Variants in LAMA5 observed in about 807,000 individuals in gnomAD.
The protein encoded by LAMA5 is laminin subunit alpha-5.
Under a neutral mutation model 433.4 loss-of-function variants are expected in LAMA5, and 260 were observed. That is an observed-to-expected ratio of 0.60 (90% CI 0.54 to 0.66). The LOEUF is 0.66. Ranked by LOEUF, LAMA5 falls within the 30% of genes least tolerant of loss-of-function variation. LAMA5 has a pLI of 0.00. For missense variants in LAMA5, 5,378 were observed against 5,258.5 expected, an observed-to-expected ratio of 1.02 and a Z score of -0.70; for synonymous variants, 2,620 against 2,226.6, an observed-to-expected ratio of 1.18 and a Z score of -4.97.
Position 62,324,639 on chromosome 20 carries a change from G to A in LAMA5, c.5530-85C>T. The A allele has an allele frequency of 1.2e-6, 1 of 840,796 alleles. No homozygotes were observed. The highest frequency in any genetic ancestry group is 2.0e-5 in the Admixed American group (1 of 49,302). The allele number at this position is 840,796 out of a possible 1,614,324, so 52.1% of individuals were successfully genotyped here. On this transcript the variant is annotated intron_variant, in intron 41 of 79. Transcript: ENST00000252999. The surrounding 1 kb of genome is among the most constrained non-coding windows in gnomAD (Gnocchi z 4.4). ...CAAGCTCACAAGTCAGACCCTCAGG[G>A]ATCCTGCAGGCACGAGGCACTGGGA...
chr20:62,309,568 G>GT, intron 79 of LAMA5, 93 bp from the exon 80 acceptor site: 2 of 879,812 alleles, frequency 2.3e-6, no homozygotes, highest in Non-Finnish European at 1.6e-6. Flanking sequence ...CCCAGCCCCT[G>GT]TCTCATTCCA....
rs150827046 is a variant in LAMA5, at chr20:62,312,989, C to T, written c.8977G>A (p.Val2993Met). ...AACAGCACGAGGCTGCCTTCTTGCA[C>T]GGCCAAGCACAGGAACTGGCTCTGC... Reference protein sequence around the residue: ...KQQSQFLCLAVQEGSLVLLYD... With the variant: ...KQQSQFLCLAMQEGSLVLLYD... Residue 2993 changes from valine (V) to methionine (M), a missense_variant, in exon 66 of 80, where the codon GTG becomes ATG. Physicochemically the swap from Val to Met is conservative, Grantham distance 21. Coordinates refer to ENST00000252999, the MANE Select transcript of LAMA5 (RefSeq NM_005560.6). 111 of 1,579,426 alleles carry T rather than the reference C, an allele frequency of 7.0e-5. No individual in the cohort carries two copies. The African/African-American group carries it at 1.1e-3, about 16-fold the overall frequency.
rs1601302247 is a variant in LAMA5, at chr20:62,318,435, A to T, written c.7239+19T>A. 6.3e-7 allele frequency: 1 copy of T among 1,588,768 alleles called. No homozygotes were observed. The highest frequency in any genetic ancestry group is 8.5e-7 in the Non-Finnish European group (1 of 1,170,696). ...GGCGGGAAGAGGAGCAGGAGGAAGA[A>T]CAAGTCCGGGGTCCTCACCAGGGCT... On this transcript the variant is annotated intron_variant, in intron 53 of 79. Transcript: ENST00000252999.
rs766562831 is a variant in LAMA5 at position 62,312,252 on chromosome 20, G to A, written c.9425C>T (p.Pro3142Leu). The part of the protein sequence containing the change: ...FLRLALSNVA[P>L]LTGNVYSGFG... ...GCCGGAGTAGACGTTGCCAGTGAGCGGTGCCACGTTCGAGAGCGCCAGGCG... is the reference window on the plus strand; with the variant it reads ...GCCGGAGTAGACGTTGCCAGTGAGCAGTGCCACGTTCGAGAGCGCCAGGCG... Residue 3142 changes from proline (P) to leucine (L), a missense_variant, in exon 69 of 80, where the codon CCG (proline) becomes CTG (leucine). By Grantham distance (98) the Pro-to-Leu change is moderately conservative. Coordinates refer to ENST00000252999, the MANE Select transcript of LAMA5 (RefSeq NM_005560.6). 1.5e-5 allele frequency: 24 copies of A among 1,611,196 alleles called. No homozygotes were observed. Among genetic ancestry groups the A allele is most frequent in the Middle Eastern group, 1.7e-4 (1 of 6,058 alleles).
chr20:62,358,815 C>T (rs770539305), intron 2 of LAMA5, among the ~76,000 whole-genome samples: 3 of 152,136 alleles, frequency 2.0e-5, no homozygotes, highest in Non-Finnish European at 4.4e-5. Flanking sequence ...CTCCAGTGGC[C>T]AATGACTTCA....
intron 9 of LAMA5, 129 bp downstream of exon 9, chr20:62,346,377 G>C (rs749278433): frequency 7.4e-7 from 1 of 1,354,130 alleles, no homozygotes; most frequent in Non-Finnish European, 1.0e-6. Flanking sequence ...CCCGTGGCCT[G>C]GGAGGCTCCT....
At chr20:62,364,059 G>A (rs1986451878) in intron 1 of LAMA5, among the ~76,000 whole-genome samples, 1 of 152,184 alleles carries the variant, frequency 6.6e-6, no homozygotes. Flanking sequence ...TGCAGTGGCA[G>A]GGTCCACACC....
rs771797912 is a variant in LAMA5 at position 62,316,037 on chromosome 20, G to A, written c.7778C>T (p.Ala2593Val). 4.3e-5 allele frequency: 69 copies of A among 1,608,446 alleles called. No homozygotes were observed. Among genetic ancestry groups the A allele is most frequent in the Non-Finnish European group, 8.5e-7 (1 of 1,179,166 alleles). Residue 2593 changes from alanine (A) to valine (V), a missense_variant, in exon 58 of 80, where the codon GCC becomes GTC. Ala to Val is a moderately conservative substitution (Grantham distance 64, BLOSUM62 0). Transcript: ENST00000252999. ...CCGGACATCTCGGAGCTGGGTCCTG[G>A]CACCCTGGAGGGCAGCCCACACTGC... ...LGLVWAALQG[A>V]RTQLRDVRAK...
Position 62,311,384 on chromosome 20 carries a change from A to G in LAMA5, c.9942+17T>C. ...CCAGCCACCCCAGCTCTGCCTGCTC[A>G]CCCCTGGGGTGCCCACCTTCCGGGC... On this transcript the variant is annotated intron_variant, in intron 72 of 79. Coordinates refer to ENST00000252999, the MANE Select transcript of LAMA5 (RefSeq NM_005560.6). The G allele has an allele frequency of 2.0e-6, 3 of 1,534,036 alleles. No homozygotes were observed. The highest frequency in any genetic ancestry group is 1.8e-6 in the Non-Finnish European group (2 of 1,137,740).
chr20:62,332,062 A>T (rs537615988), intron 28 of LAMA5, among the ~76,000 whole-genome samples: 25 of 152,138 alleles, frequency 1.6e-4, no homozygotes, highest in East Asian at 1.9e-4. Flanking sequence ...AAAAAAAAAA[A>T]AAAAGAAAAG....
rs1986281573 is a variant in LAMA5 at position 62,311,602 on chromosome 20, C to CA, written c.9806+11dup. The CA allele has an allele frequency of 6.2e-7, 1 of 1,606,914 alleles. No homozygotes were observed. The highest frequency in any genetic ancestry group is 8.5e-7 in the Non-Finnish European group (1 of 1,177,772). On this transcript the variant is annotated intron_variant, in intron 71 of 79. Transcript: ENST00000252999. ...AGCTGGGACCTTGTCCCCCAGCGCC[C>CA]ACCAGGCTCACCGCTGCACGAAGAC...
In LAMA5 at chr20:62,346,902, G is replaced by A. The variant is rs1357193901; in HGVS notation, c.1072+11C>T. On this transcript the variant is annotated intron_variant, in intron 7 of 79. Transcript: ENST00000252999. ...TGGGCAGGACACACGTGTGTGGGAG[G>A]AGGCACTCACACTGGCACTCGTTGG... 3 of 1,610,214 alleles carry A rather than the reference G, an allele frequency of 1.9e-6. No individual in the cohort carries two copies. The highest frequency in any genetic ancestry group is 1.7e-6 in the Non-Finnish European group (2 of 1,177,402).
chr20:62,328,074 G>C (rs575619719), intron 35 of LAMA5, 64 bp from the exon 36 acceptor site: 5 of 1,596,328 alleles, frequency 3.1e-6, no homozygotes, highest in Non-Finnish European at 4.3e-6. Flanking sequence ...GTGAGACCTC[G>C]TAGGCACCCC....
chr20:62,348,912 G>A (rs1211206576), intron 6 of LAMA5, among the ~76,000 whole-genome samples: 1 of 152,120 alleles, frequency 6.6e-6, no homozygotes, highest in African/African-American at 2.4e-5. Flanking sequence ...GGGACTCCAG[G>A]GGAAAAGAGG....
At chr20:62,322,499 G>T in intron 46 of LAMA5, 50 bp from the exon 47 acceptor site, 1 of 1,530,868 alleles carries the variant, frequency 6.5e-7, no homozygotes, top group South Asian at 1.2e-5. Flanking sequence ...GACTGTCCCA[G>T]ACCAACCTGG....
Position 62,313,783 on chromosome 20 carries a change from T to C in LAMA5, c.8524A>G (p.Met2842Val), listed in dbSNP as rs1986590514. ...ATCTGTCTCTCCACTGTGACGGACATGTGGCCAAACTGGAGAGTCCTGAGG... is the reference window on the plus strand; with the variant it reads ...ATCTGTCTCTCCACTGTGACGGACACGTGGCCAAACTGGAGAGTCCTGAGG... ...SLDRTLQFGH[M>V]SVTVERQMIQ... The change falls in exon 63 of 80, where the codon ATG becomes GTG. Residue 2842 changes from methionine (M) to valine (V), a missense_variant. By Grantham distance (21) the Met-to-Val change is conservative (BLOSUM62 1). Transcript: ENST00000252999. 1 of 1,612,514 alleles carries C rather than the reference T, an allele frequency of 6.2e-7. No individual in the cohort carries two copies. The highest frequency in any genetic ancestry group is 8.5e-7 in the Non-Finnish European group (1 of 1,179,928).
Position 62,346,345 on chromosome 20 carries a change from G to T in LAMA5, c.1283-130C>A, listed in dbSNP as rs554264408. 9 of 1,401,016 alleles carry T rather than the reference G, an allele frequency of 6.4e-6. No individual in the cohort carries two copies. In the East Asian group the frequency reaches 2.0e-4, roughly 31 times the overall value. The allele number at this position is 1,401,016 out of a possible 1,614,324, so 86.8% of individuals were successfully genotyped here. A position where few individuals can be genotyped will look rare whatever the true frequency, so the allele number is the denominator to read the frequency against. On this transcript the variant is annotated intron_variant, in intron 9 of 79. Coordinates refer to ENST00000252999, the MANE Select transcript of LAMA5 (RefSeq NM_005560.6). Reference sequence around the variant, plus strand: ...GGGCTACAGCCAGGCCCCCTGGGGGGACATGAGGGCTGGGGACCCGCCCCG... The same window carrying T: ...GGGCTACAGCCAGGCCCCCTGGGGGTACATGAGGGCTGGGGACCCGCCCCG...
intron 2 of LAMA5, 62 bp from the exon 3 acceptor site, chr20:62,353,313 C>G: frequency 8.1e-7 from 1 of 1,235,776 alleles, no homozygotes; most frequent in Non-Finnish European, 1.2e-6. Context: ...TCCCAGGGGC[C>G]TGGCTCATTT....
chr20:62,312,029 G>A lies in LAMA5; in HGVS notation c.9526C>T (p.Leu3176=). The A allele has an allele frequency of 7.4e-6, 12 of 1,612,510 alleles. No individual in the cohort carries two copies. Among genetic ancestry groups the A allele is most frequent in the Non-Finnish European group, 1.0e-5 (12 of 1,179,830 alleles). ...ASPDGLCQVS[L]QQGRVSLQLL... Reference sequence around the variant, plus strand: ...TGTAGGCTCACACGGCCCTGCTGCAGGGACACCTGGCATAGCCCATCCTGG... The same window carrying A: ...TGTAGGCTCACACGGCCCTGCTGCAAGGACACCTGGCATAGCCCATCCTGG... Residue 3176 remains leucine (L), a synonymous_variant, in exon 70 of 80, where the codon CTG becomes TTG. Transcript: ENST00000252999.
Sources: gnomAD v4.1 joint callset for allele counts (sites outside exome capture counted in the v4.1 genomes callset) on GRCh38, gnomAD v4.1.1 for gene constraint, Gnocchi (gnomAD v3.1) non-coding constraint, MANE v1.5 for transcripts, NCBI Gene and HGNC (gene_info 2026-07-23, HGNC 2026-07-21) for gene names.